The following ZNF804B variants were observed in gnomAD, a reference collection of about 807,000 sequenced individuals.
ZNF804B encodes the protein zinc finger protein 804B.
A neutral mutation model predicts 101.4 loss-of-function variants in ZNF804B; 80 were observed. That is an observed-to-expected ratio of 0.79 (90% CI 0.66 to 0.95). The LOEUF (loss-of-function observed/expected upper bound fraction) is 0.95, where lower values mean the gene tolerates loss of function less well. ZNF804B is among the 40% of genes least tolerant of loss of function. The pLI is 0.00. For missense variants in ZNF804B, 1,673 were observed against 1,561.9 expected (o/e 1.07, Z -1.20); for synonymous variants, 622 against 558.8 (o/e 1.11, Z -1.59).
At chr7:89,109,794 C>T (rs536508302) in intron 1 of ZNF804B, among the ~76,000 whole-genome samples, 1 of 152,212 alleles carries the variant, frequency 6.6e-6, no homozygotes, top group Non-Finnish European at 1.5e-5. Flanking sequence ...TTATTTTGCT[C>T]TTTTCTGGGA....
intron 1 of ZNF804B, among the ~76,000 whole-genome samples, chr7:89,016,087 G>T (rs10952940): frequency 0.51 from 78,019 of 151,986 alleles, 20,932 homozygotes; most frequent in Middle Eastern, 0.63. Context: ...CTGATAGCCA[G>T]TGATGGTGAG....
chr7:89,279,756 G>T (rs1366391334), intron 2 of ZNF804B, among the ~76,000 whole-genome samples: 8 of 151,908 alleles, frequency 5.3e-5, no homozygotes, highest in Non-Finnish European at 1.2e-4. Context: ...CGGTTTGCCA[G>T]TATTTTATTG....
chr7:88,821,000 G>A (rs904981479), intron 1 of ZNF804B, among the ~76,000 whole-genome samples: 3 of 152,154 alleles, frequency 2.0e-5, no homozygotes, highest in Non-Finnish European at 4.4e-5. Flanking sequence ...GCTACCTCAT[G>A]AGGGCTGACT....
At chr7:88,879,774 C>T (rs1358522650) in intron 1 of ZNF804B, among the ~76,000 whole-genome samples, 4 of 152,166 alleles carry the variant, frequency 2.6e-5, no homozygotes, top group Non-Finnish European at 5.9e-5. Flanking sequence ...CATGGTGGCT[C>T]ATGCCTGTCA....
chr7:88,940,097 T>G (rs1793035280), intron 1 of ZNF804B, among the ~76,000 whole-genome samples: 1 of 152,044 alleles, frequency 6.6e-6, no homozygotes, highest in Admixed American at 6.6e-5. Flanking sequence ...CACAAATTAA[T>G]TATGTACTTA....
intron 1 of ZNF804B, among the ~76,000 whole-genome samples, chr7:88,761,337 T>G (rs1282102008): frequency 6.6e-5 from 10 of 152,152 alleles, no homozygotes; most frequent in Non-Finnish European, 1.5e-4. Flanking sequence ...GAGTCAGAAC[T>G]GTTAGATGGA....
At chr7:89,050,648 C>T (rs992002891) in intron 1 of ZNF804B, among the ~76,000 whole-genome samples, 6 of 152,108 alleles carry the variant, frequency 3.9e-5, no homozygotes, top group African/African-American at 7.2e-5. Context: ...CATTAGATAT[C>T]GTCATCTACC....
intron 2 of ZNF804B, among the ~76,000 whole-genome samples, chr7:89,253,241 A>T (rs1437757640): frequency 6.6e-6 from 1 of 152,120 alleles, no homozygotes; most frequent in African/African-American, 2.4e-5. Flanking sequence ...TATAAACAAG[A>T]GAGTAATTTA....
intron 2 of ZNF804B, among the ~76,000 whole-genome samples, chr7:89,274,163 C>A (rs1271054164): frequency 3.5e-5 from 5 of 141,032 alleles, no homozygotes; most frequent in South Asian, 2.2e-4. Flanking sequence ...TTTTCTTTTT[C>A]TTTTTTTTTA....
chr7:88,813,886 G>T (rs1790832437), intron 1 of ZNF804B, among the ~76,000 whole-genome samples: 1 of 152,104 alleles, frequency 6.6e-6, no homozygotes, highest in Admixed American at 6.5e-5. Context: ...ATGCATAATT[G>T]CTTGGAGTTT....
intron 1 of ZNF804B, among the ~76,000 whole-genome samples, chr7:89,004,012 G>A (rs1788332931): frequency 6.9e-6 from 1 of 144,348 alleles, no homozygotes; most frequent in African/African-American, 2.6e-5. Flanking sequence ...AACAAAAAGA[G>A]AGGAGTTTTG....
At chr7:89,064,569 T>C (rs939299743) in intron 1 of ZNF804B, among the ~76,000 whole-genome samples, 13 of 152,186 alleles carry the variant, frequency 8.5e-5, no homozygotes, top group African/African-American at 2.7e-4. Flanking sequence ...TGTTCCTTTA[T>C]GAAAGTCTGG....
chr7:88,861,334 G>A (rs1263270643), intron 1 of ZNF804B, among the ~76,000 whole-genome samples: 1 of 152,142 alleles, frequency 6.6e-6, no homozygotes, highest in Non-Finnish European at 1.5e-5. Context: ...GATGAAGCCA[G>A]GAGGCTTCTG....
chr7:89,180,165 A>G (rs760265696), intron 1 of ZNF804B, among the ~76,000 whole-genome samples: 2 of 152,028 alleles, frequency 1.3e-5, no homozygotes, highest in East Asian at 3.9e-4. Context: ...TACCATTGAG[A>G]TTTATTCAAG....
intron 1 of ZNF804B, among the ~76,000 whole-genome samples, chr7:89,117,070 T>C (rs946291036): frequency 2.6e-5 from 4 of 151,858 alleles, no homozygotes; most frequent in Admixed American, 6.6e-5. Flanking sequence ...ACCTTGAAAA[T>C]TGGATGATGT....
intron 1 of ZNF804B, among the ~76,000 whole-genome samples, chr7:89,107,417 G>T (rs1790150856): frequency 6.6e-6 from 1 of 152,012 alleles, no homozygotes. Flanking sequence ...ATAAATTGAT[G>T]AGTATTTTCC....
chr7:88,904,126 G>A (rs1430312816), intron 1 of ZNF804B, among the ~76,000 whole-genome samples: 2 of 152,068 alleles, frequency 1.3e-5, no homozygotes, highest in East Asian at 1.9e-4. Flanking sequence ...CTTAATTTTT[G>A]TATGTGGTAA....
Position 89,336,218 on chromosome 7 carries a change from C to G in ZNF804B, c.3236C>G (p.Ser1079Cys). ...VPNEFPGAFP[S>C]NKYTGVTDST... ...AATGAATTCCCTGGTGCTTTTCCGT[C>G]TAATAAATATACTGGTGTGACTGAT... Residue 1079 changes from serine (S) to cysteine (C), a missense_variant, in exon 4 of 4, where the codon TCT (serine) becomes TGT (cysteine). Transcript: ENST00000333190. 6.2e-7 allele frequency: 1 copy of G among 1,613,792 alleles called. No homozygotes were observed. Among genetic ancestry groups the G allele is most frequent in the South Asian group, 1.1e-5 (1 of 91,078 alleles).
chr7:88,979,074 A>G (rs531159724), intron 1 of ZNF804B, among the ~76,000 whole-genome samples: 4 of 151,956 alleles, frequency 2.6e-5, no homozygotes, highest in Non-Finnish European at 4.4e-5. Flanking sequence ...AAAACTTTAC[A>G]CTTTAATTTC....
Sources: allele counts gnomAD v4.1 joint callset (sites outside exome capture counted in the v4.1 genomes callset), GRCh38; gene constraint gnomAD v4.1.1; transcripts MANE v1.5; gene names NCBI Gene and HGNC (gene_info 2026-07-23, HGNC 2026-07-21).